The following HHAT variants were observed in gnomAD, a reference collection of about 807,000 sequenced individuals.
The protein encoded by HHAT is hedgehog acyltransferase.
Under a neutral mutation model 70.8 loss-of-function variants are expected in HHAT, and 47 were observed. That is an observed-to-expected ratio of 0.66 (90% CI 0.53 to 0.85). The LOEUF (loss-of-function observed/expected upper bound fraction) is 0.85, where lower values mean the gene tolerates loss of function less well. Among genes scored for constraint, HHAT ranks in the 40% least tolerant of loss-of-function variants. The pLI is 0.00. For synonymous variants in HHAT, 228 were observed against 247.6 expected (o/e 0.92, Z 0.74); for missense variants, 609 against 604.8 (o/e 1.01, Z -0.07).
intron 8 of HHAT, among the ~76,000 whole-genome samples, chr1:210,508,398 C>G (rs1572919999): frequency 6.6e-6 from 1 of 152,130 alleles, no homozygotes; most frequent in East Asian, 1.9e-4. Flanking sequence ...GATAGAGTCA[C>G]TTTCTCATAT....
At chr1:210,464,353 G>C in intron 7 of HHAT, 152 bp from the exon 8 acceptor site, 1 of 746,232 alleles carries the variant, frequency 1.3e-6, no homozygotes, top group Non-Finnish European at 2.3e-6. Flanking sequence ...AATAAAACCA[G>C]TGTGGAATAC....
At chr1:210,371,618 A>C (rs1308428021) in intron 3 of HHAT, among the ~76,000 whole-genome samples, 1 of 152,206 alleles carries the variant, frequency 6.6e-6, no homozygotes, top group Non-Finnish European at 1.5e-5. Flanking sequence ...ACATTCACGC[A>C]CACAGCCAAA....
At chr1:210,536,272 C>T (rs11119535) in intron 9 of HHAT, among the ~76,000 whole-genome samples, 7,621 of 152,332 alleles carry the variant, frequency 0.05, 468 homozygotes, top group East Asian at 0.29. Context: ...ATCCACCTAA[C>T]CTGGAGTCTC....
chr1:210,564,876 C>A (rs1654281189), intron 9 of HHAT, among the ~76,000 whole-genome samples: 1 of 151,818 alleles, frequency 6.6e-6, no homozygotes, highest in South Asian at 2.1e-4. Context: ...GATGGGGGGT[C>A]ACTTAGAGAC....
intron 3 of HHAT, among the ~76,000 whole-genome samples, chr1:210,370,278 G>A (rs879300361): frequency 1.1e-4 from 16 of 148,740 alleles, no homozygotes; most frequent in Admixed American, 2.7e-4. Context: ...GGGTTCAAGC[G>A]ATTCTCCTGC....
intron 3 of HHAT, among the ~76,000 whole-genome samples, chr1:210,379,243 T>C (rs1463592883): frequency 6.6e-6 from 1 of 152,206 alleles, no homozygotes; most frequent in African/African-American, 2.4e-5. Context: ...ACCATTTTCT[T>C]CAGAAGTCTC....
chr1:210,416,786 T>C (rs1449327516), intron 6 of HHAT, among the ~76,000 whole-genome samples: 1 of 152,212 alleles, frequency 6.6e-6, no homozygotes, highest in African/African-American at 2.4e-5. Context: ...ATGGGAAGGA[T>C]GGGAAGACAC....
chr1:210,613,238 T>C (rs1666955127), intron 10 of HHAT, among the ~76,000 whole-genome samples: 1 of 152,214 alleles, frequency 6.6e-6, no homozygotes, highest in Non-Finnish European at 1.5e-5. Flanking sequence ...TTTATAGTTT[T>C]AGTTCATCTT....
At chr1:210,328,241 G>A (rs987438526), upstream of HHAT, 7 of 152,110 alleles carry the variant, frequency 4.6e-5, no homozygotes, top group East Asian at 1.9e-4. Context: ...GGAGAACTCT[G>A]GCAAGCCTGT....
chr1:210,554,544 T>C (rs1260091063), intron 9 of HHAT, among the ~76,000 whole-genome samples: 1 of 151,958 alleles, frequency 6.6e-6, no homozygotes, highest in Non-Finnish European at 1.5e-5. Context: ...TGGGTGTGAG[T>C]CTGTGGAGGT....
intron 9 of HHAT, among the ~76,000 whole-genome samples, chr1:210,541,109 A>C (rs1292028257): frequency 6.6e-6 from 1 of 152,178 alleles, no homozygotes; most frequent in African/African-American, 2.4e-5. Context: ...TCAAAGTGCA[A>C]GGATTACAGG....
intron 3 of HHAT, among the ~76,000 whole-genome samples, chr1:210,378,935 G>A (rs1432115248): frequency 6.6e-6 from 1 of 152,226 alleles, no homozygotes; most frequent in Non-Finnish European, 1.5e-5. Flanking sequence ...TTCTTCCGTA[G>A]TATGTTAGTC....
chr1:210,370,163 CTTTTTTTTTT>C (rs200442278), intron 3 of HHAT, among the ~76,000 whole-genome samples: 28,078 of 122,230 alleles, frequency 0.23, 3,162 homozygotes, highest in East Asian at 0.35. Context: ...TCTTCAATGA[CTTTTTTTTTT>C]TTTTTTTTTT....
In HHAT at chr1:210,329,006, C is replaced by A; in HGVS notation, c.-142C>A. The stretch of plus-strand genomic sequence containing the variant: ...GCGTCCCGGGGAAGCCCGCAGCCGC[C>A]GCCGATGTCGCTGGGACTCGGAAGT... On this transcript the variant is annotated 5_prime_UTR_variant, in exon 1 of 12. Coordinates refer to ENST00000261458, the MANE Select transcript of HHAT (RefSeq NM_018194.6). 7.2e-7 allele frequency: 1 copy of A among 1,384,262 alleles called. No homozygotes were observed. Among genetic ancestry groups the A allele is most frequent in the South Asian group, 1.6e-5 (1 of 60,850 alleles). The allele number at this position is 1,384,262 out of a possible 1,614,324, so 85.7% of individuals were successfully genotyped here. A position where few individuals can be genotyped will look rare whatever the true frequency, so the allele number is the denominator to read the frequency against.
At position 210,539,150 on chromosome 1, in the gene HHAT, G is replaced by T. The variant is rs528515090; in HGVS notation, c.1043+25962G>T. ...GTAATTTTTGAATTATGGAACAAAA[G>T]AAAAAGGTACACAAGGATCCACACA... On this transcript the variant is annotated intron_variant, in intron 9 of 11. Coordinates refer to ENST00000261458, the MANE Select transcript of HHAT (RefSeq NM_018194.6). 4.5e-4 allele frequency among the ~76,000 whole-genome samples: 68 copies of T among 151,844 alleles called. No homozygotes were observed. The South Asian group carries it at 5.4e-3, about 12-fold the overall frequency.
Position 210,464,645 on chromosome 1 carries a change from G to A in HHAT, c.997G>A (p.Gly333Arg), listed in dbSNP as rs61744143. 1.8e-3 allele frequency: 2,894 copies of A among 1,614,156 alleles called. 28 individuals carry two copies. In the African/African-American group the frequency reaches 0.025, roughly 14 times the overall value. Residue 333 changes from glycine (G) to arginine (R), a missense_variant, in exon 8 of 12, where the codon GGG (glycine) becomes AGG (arginine). Physicochemically the swap from Gly to Arg is moderately radical, Grantham distance 125. Transcript: ENST00000261458. ...RCVSTMFSFTGMWRYFDVGLH... is the reference protein window; with the variant it reads ...RCVSTMFSFTRMWRYFDVGLH... Reference sequence around the variant, plus strand: ...CGTGAGCACCATGTTCAGTTTCACCGGGATGTGGAGGTCAGGCGCTGGGAT... The same window carrying A: ...CGTGAGCACCATGTTCAGTTTCACCAGGATGTGGAGGTCAGGCGCTGGGAT...
intron 10 of HHAT, among the ~76,000 whole-genome samples, chr1:210,595,300 A>G (rs1351914494): frequency 6.6e-6 from 1 of 152,056 alleles, no homozygotes; most frequent in East Asian, 1.9e-4. Flanking sequence ...TGAACTCATC[A>G]TTTTTTATGG....
chr1:210,499,555 A>C (rs2094714404), intron 8 of HHAT, among the ~76,000 whole-genome samples: 2 of 152,118 alleles, frequency 1.3e-5, no homozygotes, highest in South Asian at 4.1e-4. Flanking sequence ...AAGCATGAGA[A>C]TCCTTGGAAC....
chr1:210,462,898 G>A (rs950125993), intron 7 of HHAT: 2 of 152,222 alleles, frequency 1.3e-5, no homozygotes, highest in African/African-American at 4.8e-5. Context: ...GTACCTCTCT[G>A]AAGCTTGGTT....
Sources: gnomAD v4.1 joint callset for allele counts (sites outside exome capture counted in the v4.1 genomes callset) on GRCh38, gnomAD v4.1.1 for gene constraint, MANE v1.5 for transcripts, NCBI Gene and HGNC (gene_info 2026-07-23, HGNC 2026-07-21) for gene names.